Variants in PEX6 observed in about 807,000 individuals in gnomAD.
The protein encoded by PEX6 is peroxisome biogenesis factor 6.
A neutral mutation model predicts 85.6 loss-of-function variants in PEX6; 55 were observed. That is an observed-to-expected ratio of 0.64 (90% confidence interval 0.52 to 0.80). PEX6 has a LOEUF of 0.80. Ranked by LOEUF, PEX6 falls within the 30% of genes least tolerant of loss-of-function variation. The pLI is 0.00. For synonymous variants in PEX6, 519 were observed against 549.1 expected (o/e 0.95, Z 0.77); for missense variants, 1,099 against 1,260.3 (o/e 0.87, Z 1.94).
At chr6:42,973,106 G>A (rs189127570) in intron 3 of PEX6, among the ~76,000 whole-genome samples, 1 of 152,268 alleles carries the variant, frequency 6.6e-6, no homozygotes. Flanking sequence ...CTGCCTCCCA[G>A]GTCCAAGTGA....
intron 1 of PEX6, among the ~76,000 whole-genome samples, chr6:42,976,402 A>G (rs9471987): frequency 0.57 from 85,769 of 151,788 alleles, 25,641 homozygotes; most frequent in African/African-American, 0.75. Flanking sequence ...TTGCTCTGTC[A>G]CCCAGGTTGG....
intron 8 of PEX6, 119 bp from the exon 9 acceptor site, chr6:42,966,977 T>G (rs1157337606): frequency 1.7e-4 from 131 of 786,576 alleles, no homozygotes; most frequent in Middle Eastern, 6.8e-4. Context: ...GTTTTTTTTT[T>G]TTTTTTTTTT....
In PEX6 at chr6:42,974,897, A is replaced by G. The variant is rs763294409; in HGVS notation, c.1024T>C (p.Tyr342His). 6.2e-7 allele frequency: 1 copy of G among 1,614,078 alleles called. No homozygotes were observed. The highest frequency in any genetic ancestry group is 1.7e-4 in the Middle Eastern group (1 of 6,058). The change falls in exon 2 of 17, where the codon TAC becomes CAC. Residue 342 changes from tyrosine (Y) to histidine (H), a missense_variant. By Grantham distance (83) the Tyr-to-His change is moderately conservative (BLOSUM62 2). Coordinates refer to ENST00000304611, the MANE Select transcript of PEX6 (RefSeq NM_000287.4). ...AACCTGGGTATCTGAAAGTGCCGGT[A>G]AAGAACACCGTCATAATTTCCATTA... ...STNGNYDGVL[Y>H]RHFQIPRVVQ...
chr6:42,974,392 T>A (rs574570035), intron 2 of PEX6, among the ~76,000 whole-genome samples: 46 of 152,016 alleles, frequency 3.0e-4, no homozygotes, highest in African/African-American at 1.1e-3. Context: ...ATTTCTCTTC[T>A]GTGGTCTCCC....
At position 42,966,767 on chromosome 6, in the gene PEX6, C is replaced by T. The variant is rs1561821063; in HGVS notation, c.1961+15G>A. ...ATTTCCTCTTTCCGCCTTTCCGGTG[C>T]CCACGTCCTCTTACCCTGAGTTCTT... On this transcript the variant is annotated intron_variant, in intron 9 of 16. Transcript: ENST00000304611. 2 of 1,613,900 alleles carry T rather than the reference C, an allele frequency of 1.2e-6. No individual in the cohort carries two copies. The highest frequency in any genetic ancestry group is 1.7e-6 in the Non-Finnish European group (2 of 1,179,896).
Position 42,964,496 on chromosome 6 carries a change from TG to T in PEX6, c.2807-26del. 6.2e-7 allele frequency: 1 copy of T among 1,612,376 alleles called. No individual in the cohort carries two copies. ...CCTGGAGATGACAAGGTGGGGAGGC[TG>T]TGGTCTATGCCCAGGCAGGGGAGAG... is the stretch of plus-strand genomic sequence containing the variant. On this transcript the variant is annotated intron_variant, in intron 16 of 16. Coordinates refer to ENST00000304611, the MANE Select transcript of PEX6 (RefSeq NM_000287.4). The surrounding 1 kb of genome is among the most constrained non-coding windows in gnomAD (Gnocchi z 4.6).
At chr6:42,968,005 G>A (rs1208000056) in intron 7 of PEX6, among the ~76,000 whole-genome samples, 1 of 149,658 alleles carries the variant, frequency 6.7e-6, no homozygotes, top group East Asian at 2.0e-4. Flanking sequence ...GGAGTGCAAT[G>A]GTATGATTTT....
intron 1 of PEX6, 112 bp from the exon 2 acceptor site, chr6:42,975,150 G>A: frequency 1.0e-6 from 1 of 962,888 alleles, no homozygotes; most frequent in Non-Finnish European, 1.7e-6. Flanking sequence ...ATAACCACAA[G>A]GCTTGTGGAA....
chr6:42,969,985 C>T lies in PEX6; in HGVS notation c.1133G>A (p.Trp378Ter). The change falls in exon 4 of 17, where the codon TGG becomes TAG. Residue 378 changes from tryptophan to a stop codon, truncating the protein, a stop_gained and splice_region_variant. Transcript: ENST00000304611. LOFTEE classifies it high-confidence loss of function. Reference protein sequence around the residue: ...LEGSPEKLPRWREMFFKVKKT... With the variant: ...LEGSPEKLPR ...CTTCACTTTAAAAAACATTTCCCGCCACCTGCAGGAAAAAGGCCCAATGAA... is the reference window on the plus strand; with the variant it reads ...CTTCACTTTAAAAAACATTTCCCGCTACCTGCAGGAAAAAGGCCCAATGAA... 2.5e-6 allele frequency: 4 copies of T among 1,613,928 alleles called. No individual in the cohort carries two copies. The highest frequency in any genetic ancestry group is 3.4e-6 in the Non-Finnish European group (4 of 1,179,808).
Position 42,968,856 on chromosome 6 carries a change from C to A in PEX6, c.1479+18G>T. 6.4e-7 allele frequency: 1 copy of A among 1,565,964 alleles called. No individual in the cohort carries two copies. The highest frequency in any genetic ancestry group is 8.8e-7 in the Non-Finnish European group (1 of 1,136,146). On this transcript the variant is annotated intron_variant, in intron 6 of 16. Coordinates refer to ENST00000304611, the MANE Select transcript of PEX6 (RefSeq NM_000287.4). ...GGGAGGGGAAGTAGCTGGGGTTCTA[C>A]TCTCCAGAGACCCTCACCTTCAGTA...
chr6:42,973,961 A>G (rs1297484625), intron 3 of PEX6, 42 bp downstream of exon 3: 2 of 1,351,930 alleles, frequency 1.5e-6, no homozygotes, highest in African/African-American at 1.4e-5. Context: ...TCATGCACCC[A>G]GGTTACAAAT....
chr6:42,978,240 G>A, intron 1 of PEX6, 29 bp downstream of exon 1: 1 of 1,611,702 alleles, frequency 6.2e-7, no homozygotes, highest in Non-Finnish European at 8.5e-7. Flanking sequence ...GAAAGAGGAA[G>A]CACTCCTGAC....
Position 42,965,207 on chromosome 6 carries a change from GGAGGCACAAAAT to G in PEX6, c.2588+33_2588+44del. On this transcript the variant is annotated intron_variant, in intron 14 of 16. Transcript: ENST00000304611. The surrounding 1 kb of genome is among the most constrained non-coding windows in gnomAD (Gnocchi z 5.0). ...AGGGAGCCCAGCCATGAGGGGTGAA[GGAGGCACAAAAT>G]GAGGGTGGAGATGAGCAGTACAAGG... is the stretch of plus-strand genomic sequence containing the variant. 6.2e-7 allele frequency: 1 copy of G among 1,608,682 alleles called. No homozygotes were observed.
At chr6:42,974,798 C>T (rs1770216732) in intron 2 of PEX6, 77 bp downstream of exon 2, 3 of 1,377,980 alleles carry the variant, frequency 2.2e-6, no homozygotes, top group Non-Finnish European at 3.1e-6. Flanking sequence ...CTCTGGGGTA[C>T]TTGGTTCTAA....
At chr6:42,969,100 C>G (rs1185776764) in intron 5 of PEX6, 115 bp from the exon 6 acceptor site, 2 of 734,456 alleles carry the variant, frequency 2.7e-6, no homozygotes, top group South Asian at 1.5e-5. Flanking sequence ...TCTCCTTGAG[C>G]CTCCCTGACC....
At position 42,971,716 on chromosome 6, in the gene PEX6, G is replaced by A. The variant is rs962582895; in HGVS notation, c.1131-1729C>T. On this transcript the variant is annotated intron_variant, in intron 3 of 16. Transcript: ENST00000304611. The surrounding 1 kb of genome is among the most constrained non-coding windows in gnomAD (Gnocchi z 4.4). ...CTTACTCCAACCCTGCTTTCCTTGC[G>A]GGGAAAAGAACTATGTGCTCGGCAC... is the stretch of plus-strand genomic sequence containing the variant. 7.9e-5 allele frequency among the ~76,000 whole-genome samples: 12 copies of A among 152,326 alleles called. No individual in the cohort carries two copies. Among genetic ancestry groups the A allele is most frequent in the Admixed American group, 4.6e-4 (7 of 15,296 alleles).
Position 42,968,279 on chromosome 6 carries a change from T to C in PEX6, c.1688+11A>G, listed in dbSNP as rs1195738655. The C allele has an allele frequency of 1.2e-6, 2 of 1,612,554 alleles. No individual in the cohort carries two copies. Among genetic ancestry groups the C allele is most frequent in the South Asian group, 1.1e-5 (1 of 91,062 alleles). ...CCCCCAGCTTTGAGAGGCCCAGCTC[T>C]GTATAAGTACCTGTTGAGGGGGTCC... On this transcript the variant is annotated intron_variant, in intron 7 of 16. Transcript: ENST00000304611.
Position 42,964,771 on chromosome 6 carries a change from A to C in PEX6, c.2806+19T>G. The C allele has an allele frequency of 6.2e-7, 1 of 1,613,926 alleles. No individual in the cohort carries two copies. ...CCACTAGCTTTTTGGTTGACCTCTC[A>C]GACCGGCAAGTGGCTCACCTTCCTC... On this transcript the variant is annotated intron_variant, in intron 16 of 16. Coordinates refer to ENST00000304611, the MANE Select transcript of PEX6 (RefSeq NM_000287.4). This position sits in a 1 kb window ranked among gnomAD's most constrained non-coding sequence, Gnocchi z 4.6.
rs199921136 is a variant in PEX6, at chr6:42,977,845, T to TG, written c.882+423_882+424insC. Among the ~76,000 whole-genome samples the TG allele has an allele frequency of 6.9e-3, 924 of 133,098 alleles. 10 individuals are homozygous for TG. The highest frequency in any genetic ancestry group is 0.015 in the Admixed American group (211 of 13,964). The allele number at this position is 133,098 out of a possible 152,430, so 87.3% of individuals were successfully genotyped here. A position where few individuals can be genotyped will look rare whatever the true frequency, so the allele number is the denominator to read the frequency against. Reference sequence around the variant, plus strand: ...AATGAGGCTAAGAAACATTATGCTTTTTTTTTTTTTTTTTTGAGACAGAGT... The same window carrying TG: ...AATGAGGCTAAGAAACATTATGCTTTGTTTTTTTTTTTTTTTGAGACAGAGT... On this transcript the variant is annotated intron_variant, in intron 1 of 16. Coordinates refer to ENST00000304611, the MANE Select transcript of PEX6 (RefSeq NM_000287.4).
Sources: gnomAD v4.1 joint callset for allele counts (sites outside exome capture counted in the v4.1 genomes callset) on GRCh38, gnomAD v4.1.1 for gene constraint, Gnocchi (gnomAD v3.1) non-coding constraint, MANE v1.5 for transcripts, NCBI Gene and HGNC (gene_info 2026-07-23, HGNC 2026-07-21) for gene names.